The following CDKN2A variants were observed in gnomAD, a reference collection of about 807,000 sequenced individuals.
The protein encoded by CDKN2A is cyclin-dependent kinase inhibitor 2A.
A neutral mutation model predicts 11.1 loss-of-function variants in CDKN2A; 3 were observed. The ratio of observed to expected loss-of-function variants is 0.27; its 90% CI spans 0.12 to 0.70. The LOEUF (loss-of-function observed/expected upper bound fraction) is 0.70. Ranked by LOEUF, CDKN2A falls within the 30% of genes least tolerant of loss-of-function variation. The pLI is 0.77. For missense variants in CDKN2A, 265 were observed against 233.6 expected, an observed-to-expected ratio of 1.13 and a Z score of -0.88; for synonymous variants, 122 against 108.1, an observed-to-expected ratio of 1.13 and a Z score of -0.80.
At chr9:21,990,611 TGAGAGAGA>T (rs60431211) in intron 2 of CDKN2A, among the ~76,000 whole-genome samples, 1,409 of 89,758 alleles carry the variant, frequency 0.016, 26 homozygotes, top group African/African-American at 0.026. Context: ...ACTAATTTGG[TGAGAGAGA>T]GAGAGAGAGA....
intron 1 of CDKN2A, chr9:21,994,377 CT>C: frequency 6.2e-7 from 1 of 1,607,958 alleles, no homozygotes. Context: ...CTGCGCCGCC[CT>C]TTGGCACCAG....
At chr9:21,993,825 G>C (rs1820505301) in intron 2 of CDKN2A, 1 of 475,846 alleles carries the variant, frequency 2.1e-6, no homozygotes, top group Non-Finnish European at 3.9e-6. Flanking sequence ...GTGTGTGTGT[G>C]TGTGTGTGTG....
chr9:21,974,835 C>T lies in CDKN2A; in HGVS notation c.-8G>A, dbSNP rs1563893014. On this transcript the variant is annotated 5_prime_UTR_variant, in exon 1 of 3. Transcript: ENST00000304494. This position sits in a 1 kb window ranked among gnomAD's most constrained non-coding sequence, Gnocchi z 5.2. ...CCCCGCCGCCGGCTCCATGCTGCTC[C>T]CCGCCGCCCGCTGCCTGCTCTCCCC... is the stretch of plus-strand genomic sequence containing the variant. 1 of 1,575,236 alleles carries T rather than the reference C, an allele frequency of 6.3e-7. No individual in the cohort carries two copies. Among genetic ancestry groups the T allele is most frequent in the Non-Finnish European group, 8.6e-7 (1 of 1,165,770 alleles).
chr9:21,972,092 G>A (rs1482568229), intron 1 of CDKN2A, among the ~76,000 whole-genome samples: 1 of 151,618 alleles, frequency 6.6e-6, no homozygotes, highest in African/African-American at 2.4e-5. Flanking sequence ...ACAGATAAGT[G>A]AGAACATGTG....
intron 2 of CDKN2A, chr9:21,969,820 G>A: frequency 2.5e-6 from 1 of 395,860 alleles, no homozygotes; most frequent in Non-Finnish European, 4.4e-6. Flanking sequence ...GGGGGGAGGG[G>A]AGGAGGGGCC....
intron 1 of CDKN2A, among the ~76,000 whole-genome samples, chr9:21,973,507 A>G (rs537263652): frequency 6.6e-6 from 1 of 152,324 alleles, no homozygotes; most frequent in South Asian, 2.1e-4. Context: ...AAGATATTGT[A>G]GGACTACAAA....
In CDKN2A at chr9:21,991,838, A is replaced by C. The variant is rs1405035939; in HGVS notation, c.-4+2044T>G. ...ACTTGGAACACAATACAAACTGTGA[A>C]TCATGTACACATGGGGAATAATGGT... On this transcript the variant is annotated intron_variant, in intron 2 of 3. Coordinates refer to the CDKN2A transcript ENST00000494262. The surrounding 1 kb of genome is among the most constrained non-coding windows in gnomAD (Gnocchi z 5.2). 2.0e-6 allele frequency: 2 copies of C among 985,284 alleles called. No individual in the cohort carries two copies. The highest frequency in any genetic ancestry group is 1.2e-6 in the Non-Finnish European group (1 of 829,752). 61.0% of individuals were successfully genotyped at this position (985,284 alleles called of 1,614,324 possible).
chr9:21,986,363 T>C (rs139994328), intron 2 of CDKN2A, among the ~76,000 whole-genome samples: 3 of 152,152 alleles, frequency 2.0e-5, no homozygotes, highest in African/African-American at 7.2e-5. Flanking sequence ...TTGAAAGATG[T>C]TAACCTCCTT....
At position 21,971,032 on chromosome 9, in the gene CDKN2A, G is replaced by C. The variant is rs1060504187; in HGVS notation, c.327C>G (p.Ala109=). Residue 109 remains alanine, a synonymous_variant, in exon 2 of 3, where the codon GCC becomes GCG. Transcript: ENST00000304494. Reference sequence around the variant, plus strand: ...CCAGGTCCACGGGCAGACGGCCCCAGGCATCGCGCACGTCCAGCCGCGCCC... The same window carrying C: ...CCAGGTCCACGGGCAGACGGCCCCACGCATCGCGCACGTCCAGCCGCGCCC... The part of the protein sequence containing the change: ...RAGARLDVRD[A]WGRLPVDLAE... The C allele has an allele frequency of 1.2e-6, 2 of 1,606,494 alleles. No homozygotes were observed. Among genetic ancestry groups the C allele is most frequent in the East Asian group, 2.2e-5 (1 of 44,858 alleles).
chr9:21,994,587 G>A (rs148194465), intron 1 of CDKN2A: 1 of 889,414 alleles, frequency 1.1e-6, no homozygotes, highest in Middle Eastern at 3.8e-4. Flanking sequence ...GCGCACGCGG[G>A]AAGGGCTGCC....
intron 1 of CDKN2A, chr9:21,994,623 C>G (rs1421915295): frequency 4.2e-6 from 2 of 480,674 alleles, no homozygotes; most frequent in Non-Finnish European, 6.7e-6. Flanking sequence ...GAGGCGCGCG[C>G]GCGGGCGGCT....
rs200504822 is a variant in CDKN2A, at chr9:21,974,451, CGAGAGA to C, written c.150+221_150+226del. 1.9e-3 allele frequency: 3,104 copies of C among 1,611,630 alleles called. 44 individuals are homozygous for C. The African/African-American group carries it at 0.033, about 17-fold the overall frequency. On this transcript the variant is annotated intron_variant, in intron 1 of 2. Coordinates refer to ENST00000304494, the MANE Select transcript of CDKN2A (RefSeq NM_000077.5). This position sits in a 1 kb window ranked among gnomAD's most constrained non-coding sequence, Gnocchi z 5.2. ...CCCCCCTTCAGATCTTCTCAGCATT[CGAGAGA>C]TCTGTACGCGCGTGGCTCCTCATTC...
At position 21,994,632 on chromosome 9, in the gene CDKN2A, C is replaced by T. The variant is rs532203410; in HGVS notation, c.-176+189G>A. The T allele has an allele frequency of 7.9e-4, 340 of 432,038 alleles. 3 individuals are homozygous for T. The highest frequency in any genetic ancestry group is 5.1e-3 in the African/African-American group (245 of 47,574). The allele number at this position is 432,038 out of a possible 1,614,324, so 26.8% of individuals were successfully genotyped here. On this transcript the variant is annotated intron_variant, in intron 1 of 3. Coordinates refer to the CDKN2A transcript ENST00000494262. ...CGTAGGGAGGCGCGCGCGCGGGCGGCTCAGGGCCCGCGTTCCTCTCCCTCC... is the reference window on the plus strand; with the variant it reads ...CGTAGGGAGGCGCGCGCGCGGGCGGTTCAGGGCCCGCGTTCCTCTCCCTCC...
intron 2 of CDKN2A, chr9:21,989,406 A>G (rs188034354): frequency 6.6e-6 from 1 of 152,154 alleles, no homozygotes; most frequent in Non-Finnish European, 1.5e-5. Flanking sequence ...ATTTTCAAAC[A>G]TGGGGAAAGC....
Position 21,994,330 on chromosome 9 carries a change from A to G in CDKN2A, c.-175-277T>C, listed in dbSNP as rs759736526. 1.2e-6 allele frequency: 2 copies of G among 1,606,228 alleles called. No individual in the cohort carries two copies. The highest frequency in any genetic ancestry group is 1.7e-6 in the Non-Finnish European group (2 of 1,177,836). ...GAGGGTCACCAAGAACCTGCGCACC[A>G]TGTTCTCGCCGCCTCCAGGGCCGAG... On this transcript the variant is annotated intron_variant, in intron 1 of 3. Coordinates refer to the CDKN2A transcript ENST00000494262.
chr9:21,980,866 G>A (rs1472142784), intron 2 of CDKN2A, among the ~76,000 whole-genome samples: 2 of 148,400 alleles, frequency 1.3e-5, no homozygotes, highest in Non-Finnish European at 3.0e-5. Flanking sequence ...GGCTGAGGAA[G>A]GAGAATGGCG....
chr9:21,990,702 C>T (rs1820413206), intron 2 of CDKN2A, among the ~76,000 whole-genome samples: 1 of 142,712 alleles, frequency 7.0e-6, no homozygotes, highest in Non-Finnish European at 1.5e-5. Flanking sequence ...CTTTATAATG[C>T]AATCATTTAA....
intron 2 of CDKN2A, among the ~76,000 whole-genome samples, chr9:21,969,120 T>C (rs1187839619): frequency 6.6e-6 from 1 of 152,200 alleles, no homozygotes; most frequent in Non-Finnish European, 1.5e-5. Context: ...AACGTCTGTT[T>C]CCCAGGTCGG....
chr9:21,993,400 TA>T (rs1237281136), intron 2 of CDKN2A, among the ~76,000 whole-genome samples: 2 of 152,190 alleles, frequency 1.3e-5, no homozygotes, highest in Non-Finnish European at 2.9e-5. Flanking sequence ...CTGAGATGAC[TA>T]AAATACTATC....
Sources: allele counts gnomAD v4.1 joint callset (sites outside exome capture counted in the v4.1 genomes callset), GRCh38; gene constraint gnomAD v4.1.1; non-coding constraint Gnocchi (gnomAD v3.1); transcripts MANE v1.5; gene names NCBI Gene and HGNC (gene_info 2026-07-23, HGNC 2026-07-21).